STK32B: variants seen among roughly 807,000 people sequenced by gnomAD.
The protein encoded by STK32B is serine/threonine-protein kinase 32B.
Under a neutral mutation model 52.6 loss-of-function variants are expected in STK32B, and 43 were observed. The ratio of observed to expected loss-of-function variants is 0.82; its 90% CI spans 0.64 to 1.05. The LOEUF (loss-of-function observed/expected upper bound fraction) is 1.05. Among genes scored for constraint, STK32B ranks in the 50% least tolerant of loss-of-function variants. The probability of loss-of-function intolerance (pLI) is 0.00; values close to 1 mark genes in which losing one functional copy is unlikely to be tolerated. For synonymous variants in STK32B, 238 were observed against 204.3 expected, an observed-to-expected ratio of 1.17 and a Z score of -1.41; for missense variants, 621 against 534.6, an observed-to-expected ratio of 1.16 and a Z score of -1.59.
the STK32B span, among the ~76,000 whole-genome samples, chr4:5,037,587 A>G: frequency 1.1e-4 from 17 of 152,204 alleles, no homozygotes; most frequent in Non-Finnish European, 1.8e-4. Flanking sequence ...AGATAAAGGA[A>G]GTGGATTTGG....
intron 3 of STK32B, among the ~76,000 whole-genome samples, chr4:5,173,596 C>T (rs1490242958): frequency 6.6e-6 from 1 of 152,120 alleles, no homozygotes; most frequent in South Asian, 2.1e-4. Flanking sequence ...TGTTAAGTTT[C>T]CATGTAGTTG....
intron 4 of STK32B, among the ~76,000 whole-genome samples, chr4:5,337,786 G>A (rs1483654978): frequency 6.6e-6 from 1 of 152,066 alleles, no homozygotes. Flanking sequence ...CATCTGTGTA[G>A]AGTACAGCTT....
intron 2 of STK32B, among the ~76,000 whole-genome samples, chr4:5,150,720 T>G (rs1717291823): frequency 6.6e-6 from 1 of 152,004 alleles, no homozygotes; most frequent in Non-Finnish European, 1.5e-5. Flanking sequence ...GTTCTCCTCT[T>G]GGATACTCTT....
intron 4 of STK32B, among the ~76,000 whole-genome samples, chr4:5,373,343 G>A (rs1381028019): frequency 2.6e-5 from 4 of 152,160 alleles, no homozygotes; most frequent in Non-Finnish European, 5.9e-5. Flanking sequence ...GTGATCCAAT[G>A]GTGTAGTTTC....
intron 3 of STK32B, among the ~76,000 whole-genome samples, chr4:5,222,578 C>G (rs1362673749): frequency 6.6e-6 from 1 of 152,136 alleles, no homozygotes; most frequent in Non-Finnish European, 1.5e-5. Context: ...TGACAAAGAA[C>G]TTGGCTGAAT....
In STK32B at chr4:5,251,093, T is replaced by A. The variant is rs139389822; in HGVS notation, c.261-80127T>A. On this transcript the variant is annotated intron_variant, in intron 3 of 11. Transcript: ENST00000282908. Reference sequence around the variant, plus strand: ...TTCCATTTGTCAATTTTGGTTTTGTTGCAATTGCTTTTGGCATCTTCATCA... The same window carrying A: ...TTCCATTTGTCAATTTTGGTTTTGTAGCAATTGCTTTTGGCATCTTCATCA... Among the ~76,000 whole-genome samples the A allele has an allele frequency of 6.7e-3, 1,019 of 152,320 alleles. 12 individuals are homozygous for A. The highest frequency in any genetic ancestry group is 0.023 in the African/African-American group (953 of 41,574).
At chr4:5,034,643 A>G in the STK32B span, among the ~76,000 whole-genome samples, 1 of 152,236 alleles carries the variant, frequency 6.6e-6, no homozygotes, top group African/African-American at 2.4e-5. Flanking sequence ...CCTGTTGGGT[A>G]CATGTCAGAT....
In STK32B at chr4:5,069,190, C is replaced by CTTT. The variant is rs11309394; in HGVS notation, c.52+17293_52+17295dup. 7.0e-5 allele frequency among the ~76,000 whole-genome samples: 7 copies of CTTT among 99,546 alleles called. No homozygotes were observed. The South Asian group carries it at 2.4e-3, about 35-fold the overall frequency. 65.3% of individuals were successfully genotyped at this position (99,546 alleles called of 152,430 possible). ...TTAGTTCAAGGTAATGGCAGGTTCT[C>CTTT]TTTTTTTTTTTTTTTTTTTTGAGAT... On this transcript the variant is annotated intron_variant, in intron 1 of 11. Transcript: ENST00000282908.
intron 2 of STK32B, among the ~76,000 whole-genome samples, chr4:5,159,280 TCA>T (rs1051192096): frequency 5.3e-5 from 8 of 151,930 alleles, no homozygotes; most frequent in African/African-American, 1.9e-4. Context: ...CTTTGTGTGC[TCA>T]CACTCTTTAA....
intron 5 of STK32B, among the ~76,000 whole-genome samples, chr4:5,414,519 T>C (rs1711993183): frequency 6.6e-6 from 1 of 152,168 alleles, no homozygotes; most frequent in South Asian, 2.1e-4. Context: ...GTGGATGTCA[T>C]AGATAGACCT....
chr4:5,122,506 TACTC>T (rs1715110601), intron 1 of STK32B, among the ~76,000 whole-genome samples: 1 of 152,136 alleles, frequency 6.6e-6, no homozygotes, highest in African/African-American at 2.4e-5. Flanking sequence ...TTCACTCATT[TACTC>T]ATTCATTCAC....
At chr4:5,047,341 G>T (rs1446347205), upstream of STK32B, among the ~76,000 whole-genome samples, 1 of 151,994 alleles carries the variant, frequency 6.6e-6, no homozygotes, top group Non-Finnish European at 1.5e-5. Flanking sequence ...CCTGTTGGGG[G>T]GTGGGGGATG....
intron 3 of STK32B, among the ~76,000 whole-genome samples, chr4:5,178,570 G>A (rs945529816): frequency 2.6e-5 from 4 of 152,112 alleles, no homozygotes; most frequent in Admixed American, 6.5e-5. Flanking sequence ...TTTCTGTCAC[G>A]TTTTCAGTTT....
At chr4:5,364,623 G>C (rs942368549) in intron 4 of STK32B, among the ~76,000 whole-genome samples, 1 of 152,184 alleles carries the variant, frequency 6.6e-6, no homozygotes, top group African/African-American at 2.4e-5. Flanking sequence ...CCCTGAATGA[G>C]TTGAACCACG....
intron 3 of STK32B, among the ~76,000 whole-genome samples, chr4:5,235,359 A>G (rs1004156897): frequency 6.6e-6 from 1 of 152,164 alleles, no homozygotes; most frequent in African/African-American, 2.4e-5. Context: ...TGGCTGTAGG[A>G]CCAGGGGTAA....
chr4:5,393,422 A>G (rs10004037), intron 4 of STK32B, among the ~76,000 whole-genome samples: 13,797 of 152,246 alleles, frequency 0.091, 1,099 homozygotes, highest in Admixed American at 0.21. Flanking sequence ...ATGTTGTTAT[A>G]AAGAAATACT....
intron 3 of STK32B, among the ~76,000 whole-genome samples, chr4:5,183,848 C>A (rs1003651376): frequency 6.6e-6 from 1 of 152,188 alleles, no homozygotes; most frequent in Non-Finnish European, 1.5e-5. Context: ...TGCTACCTTT[C>A]AGCTTTTCTT....
intron 3 of STK32B, among the ~76,000 whole-genome samples, chr4:5,236,339 T>C (rs1008137903): frequency 1.3e-5 from 2 of 152,186 alleles, no homozygotes; most frequent in Admixed American, 6.5e-5. Context: ...TTTGTTCTTT[T>C]TTTTTAAACT....
At position 5,066,462 on chromosome 4, in the gene STK32B, C is replaced by T. The variant is rs548792110; in HGVS notation, c.52+14547C>T. On this transcript the variant is annotated intron_variant, in intron 1 of 11. Transcript: ENST00000282908. ...CTTCAAATCACAAGTATGATCGTGTCGGTTCCTTGCTTAACATTTTTTCAA... is the reference window on the plus strand; with the variant it reads ...CTTCAAATCACAAGTATGATCGTGTTGGTTCCTTGCTTAACATTTTTTCAA... 5.3e-5 allele frequency among the ~76,000 whole-genome samples: 8 copies of T among 152,270 alleles called. No individual in the cohort carries two copies. The South Asian group carries it at 1.2e-3, about 24-fold the overall frequency.
Sources: gnomAD v4.1 joint callset for allele counts (sites outside exome capture counted in the v4.1 genomes callset) on GRCh38, gnomAD v4.1.1 for gene constraint, MANE v1.5 for transcripts, NCBI Gene and HGNC (gene_info 2026-07-23, HGNC 2026-07-21) for gene names.